The following DIAPH2 variants were observed in gnomAD, a reference collection of about 807,000 sequenced individuals.
The protein encoded by DIAPH2 is diaphanous related formin 2, also known as protein diaphanous homolog 2.
DIAPH2 carries 35 observed loss-of-function variants against 92.7 expected under a neutral mutation model. That is an observed-to-expected ratio of 0.38 (90% confidence interval 0.29 to 0.50). DIAPH2 has a LOEUF of 0.50. Among genes scored for constraint, DIAPH2 ranks in the 20% least tolerant of loss-of-function variants. The pLI, the probability that DIAPH2 is intolerant of heterozygous loss-of-function variation, is 0.94. For synonymous variants in DIAPH2, 301 were observed against 280.4 expected (o/e 1.07, Z -0.73); for missense variants, 701 against 819.5 (o/e 0.86, Z 1.77).
Position 96,723,916 on chromosome X carries a change from ATTTTTTTT to A in DIAPH2, c.133-11824_133-11817del, listed in dbSNP as rs149595440. 5.0e-3 allele frequency among the ~76,000 whole-genome samples: 358 copies of A among 71,249 alleles called. 4 individuals are homozygous for A. The highest frequency in any genetic ancestry group is 0.041 in the Admixed American group (225 of 5,538). 61.9% of individuals were successfully genotyped at this position (71,249 alleles called of 115,157 possible). A position where few individuals can be genotyped will look rare whatever the true frequency, so the allele number is the denominator to read the frequency against. On this transcript the variant is annotated intron_variant, in intron 1 of 26. Transcript: ENST00000324765. ...GTAACCCCATAAGAGTGATTCTATA[ATTTTTTTT>A]TTTTTTTTTTTTTTTTTGAGACTGA... is the stretch of plus-strand genomic sequence containing the variant.
At chrX:96,734,719 C>T (rs2064076201) in intron 1 of DIAPH2, among the ~76,000 whole-genome samples, 1 of 110,996 alleles carries the variant, frequency 9.0e-6, no homozygotes, top group Admixed American at 9.6e-5. Flanking sequence ...GTATATTTGC[C>T]CCAGCTGATC....
intron 26 of DIAPH2, among the ~76,000 whole-genome samples, chrX:97,521,482 G>T (rs1269544942): frequency 9.0e-6 from 1 of 111,704 alleles, no homozygotes; most frequent in Non-Finnish European, 1.9e-5. Context: ...TTCTAAGGAG[G>T]TATAAAATCT....
chrX:97,376,188 G>A (rs1852601381), intron 24 of DIAPH2, among the ~76,000 whole-genome samples: 1 of 110,842 alleles, frequency 9.0e-6, no homozygotes, highest in South Asian at 3.8e-4. Flanking sequence ...AAGGCATGTT[G>A]AAACTTGAGT....
At chrX:96,801,323 C>A (rs1470848299) in intron 4 of DIAPH2, among the ~76,000 whole-genome samples, 3 of 111,945 alleles carry the variant, frequency 2.7e-5, no homozygotes, top group African/African-American at 9.7e-5. Context: ...GATGCCAGCA[C>A]CATTTTTTAA....
chrX:96,901,440 T>G (rs2065393519), intron 5 of DIAPH2, among the ~76,000 whole-genome samples: 1 of 109,434 alleles, frequency 9.1e-6, no homozygotes, highest in African/African-American at 3.3e-5. Flanking sequence ...TGTATTTTTT[T>G]TTGTTGTTTG....
chrX:96,778,842 A>T, intron 4 of DIAPH2, among the ~76,000 whole-genome samples: 1 of 111,849 alleles, frequency 8.9e-6, no homozygotes, highest in Non-Finnish European at 1.9e-5. Flanking sequence ...GTGGGCAAGG[A>T]TGCTACACAG....
At chrX:96,971,956 A>G (rs16982254) in intron 17 of DIAPH2, among the ~76,000 whole-genome samples, 3,867 of 111,836 alleles carry the variant, frequency 0.035, 167 homozygotes, top group African/African-American at 0.12. Flanking sequence ...TGTCATTCGC[A>G]GTGCCTTGAT....
intron 1 of DIAPH2, among the ~76,000 whole-genome samples, chrX:96,706,629 C>T (rs1423179958): frequency 2.7e-5 from 3 of 111,310 alleles, no homozygotes; most frequent in African/African-American, 9.8e-5. Context: ...TTGAGGTGAT[C>T]GTGGGACATC....
At chrX:97,425,093 C>T in intron 25 of DIAPH2, among the ~76,000 whole-genome samples, 1 of 111,897 alleles carries the variant, frequency 8.9e-6, no homozygotes, top group Admixed American at 9.5e-5. Context: ...CATATATTTA[C>T]TTTTCTACAT....
chrX:97,105,400 G>A (rs1166694511), intron 20 of DIAPH2, among the ~76,000 whole-genome samples: 1 of 111,776 alleles, frequency 8.9e-6, no homozygotes, highest in African/African-American at 3.3e-5. Flanking sequence ...CCCACATATT[G>A]TATGATCAAT....
chrX:96,706,067 A>T lies in DIAPH2; in HGVS notation c.132+20877A>T, dbSNP rs367568117. On this transcript the variant is annotated intron_variant, in intron 1 of 26. Coordinates refer to ENST00000324765, the MANE Select transcript of DIAPH2 (RefSeq NM_006729.5). ...TGTTTGCTAACTCTTAAGAATTGGG[A>T]GTTTGTACACATAAATCTAAATTCC... 1.4e-4 allele frequency among the ~76,000 whole-genome samples: 16 copies of T among 112,381 alleles called. No homozygotes were observed. In the East Asian group the frequency reaches 3.6e-3, roughly 25 times the overall value.
intron 23 of DIAPH2, among the ~76,000 whole-genome samples, chrX:97,274,095 A>G (rs149897256): frequency 0.019 from 1,938 of 102,527 alleles, 15 homozygotes; most frequent in Middle Eastern, 0.035. Context: ...TGTTTTTCCT[A>G]TCTCTAAAGT....
rs948052137 is a variant in DIAPH2, at chrX:96,942,114, C to T, written c.1422C>T (p.Asp474=). 1 of 1,160,563 alleles carries T rather than the reference C, an allele frequency of 8.6e-7. No homozygotes were observed. The highest frequency in any genetic ancestry group is 2.2e-5 in the Admixed American group (1 of 45,812). ...DPDFKYRQRL[D]IDLTHLIDSC... Reference sequence around the variant, plus strand: ...ACTTCAAATACAGGCAAAGATTAGACATCGATTTAACTCATCTGATAGGTA... The same window carrying T: ...ACTTCAAATACAGGCAAAGATTAGATATCGATTTAACTCATCTGATAGGTA... Residue 474 remains aspartate, a synonymous_variant, in exon 13 of 27, where the codon GAC becomes GAT. Coordinates refer to ENST00000324765, the MANE Select transcript of DIAPH2 (RefSeq NM_006729.5).
intron 4 of DIAPH2, among the ~76,000 whole-genome samples, chrX:96,813,467 C>A (rs2064703551): frequency 9.0e-6 from 1 of 110,875 alleles, no homozygotes; most frequent in South Asian, 3.9e-4. Context: ...TGGGTCTTGA[C>A]TCTTTATCCA....
chrX:96,909,404 AAG>A (rs1204306677), intron 5 of DIAPH2, among the ~76,000 whole-genome samples: 1 of 110,805 alleles, frequency 9.0e-6, no homozygotes, highest in Admixed American at 9.6e-5. Context: ...GTGGAGGAGA[AAG>A]AGAGAAAGAG....
chrX:97,314,006 G>T (rs1049725920), intron 23 of DIAPH2, among the ~76,000 whole-genome samples: 2 of 110,899 alleles, frequency 1.8e-5, no homozygotes, highest in African/African-American at 6.6e-5. Flanking sequence ...AGCCCAAGTT[G>T]AACAACATTA....
intron 19 of DIAPH2, among the ~76,000 whole-genome samples, chrX:97,094,505 C>T (rs2066851310): frequency 1.8e-5 from 2 of 111,825 alleles, no homozygotes; most frequent in South Asian, 3.7e-4. Context: ...ATAGTGACTG[C>T]ATGTTGAGGG....
chrX:97,461,308 G>A (rs1009126239), intron 26 of DIAPH2, among the ~76,000 whole-genome samples: 4 of 109,799 alleles, frequency 3.6e-5, no homozygotes, highest in African/African-American at 1.3e-4. Context: ...ACACACAAGA[G>A]TAAATGTTAT....
At chrX:97,521,395 C>T (rs1257289645) in intron 26 of DIAPH2, among the ~76,000 whole-genome samples, 1 of 112,160 alleles carries the variant, frequency 8.9e-6, no homozygotes, top group South Asian at 3.7e-4. Context: ...ACTCCTTACT[C>T]CCCTTTCCTT....
Sources: allele counts gnomAD v4.1 joint callset (sites outside exome capture counted in the v4.1 genomes callset), GRCh38; gene constraint gnomAD v4.1.1; transcripts MANE v1.5; gene names NCBI Gene and HGNC (gene_info 2026-07-23, HGNC 2026-07-21).